Variants in TENM2 observed in about 807,000 individuals in gnomAD.
The protein encoded by TENM2 is teneurin transmembrane protein 2.
TENM2 carries 52 observed loss-of-function variants against 245.2 expected under a neutral mutation model. The ratio of observed to expected loss-of-function variants is 0.21; its 90% confidence interval spans 0.17 to 0.27. The LOEUF is 0.27. Among genes scored for constraint, TENM2 ranks in the 10% least tolerant of loss-of-function variants. The pLI is 1.00. For missense variants in TENM2, 3,046 were observed against 3,666.8 expected (o/e 0.83, Z 4.37); for synonymous variants, 1,363 against 1,438.9 (o/e 0.95, Z 1.19).
At chr5:167,856,804 G>T (rs148948610) in intron 2 of TENM2, among the ~76,000 whole-genome samples, 87 of 152,334 alleles carry the variant, frequency 5.7e-4, no homozygotes, top group Non-Finnish European at 1.1e-3. Flanking sequence ...ATTGTCTACA[G>T]CCTTGCTGAC....
intron 7 of TENM2, among the ~76,000 whole-genome samples, chr5:168,073,607 G>C (rs1791213577): frequency 6.6e-6 from 1 of 152,220 alleles, no homozygotes; most frequent in South Asian, 2.1e-4. Context: ...TTGAGTTGTT[G>C]CATATTTGCA....
At chr5:167,232,675 C>G in the TENM2 span, among the ~76,000 whole-genome samples, 6 of 152,194 alleles carry the variant, frequency 3.9e-5, no homozygotes, top group Non-Finnish European at 8.8e-5. Context: ...CCAGCCTAAA[C>G]CTCTTTTCTT....
At chr5:167,828,717 G>A (rs1768201116) in intron 2 of TENM2, among the ~76,000 whole-genome samples, 1 of 152,106 alleles carries the variant, frequency 6.6e-6, no homozygotes, top group African/African-American at 2.4e-5. Flanking sequence ...ATTAGGAAGG[G>A]TAATCCTCTT....
chr5:166,984,359 C>A, the TENM2 span, among the ~76,000 whole-genome samples: 109,692 of 151,834 alleles, frequency 0.72, 39,703 homozygotes, highest in East Asian at 0.8. Flanking sequence ...GGGACACATC[C>A]TGGAGGATTC....
At chr5:168,096,796 T>C (rs1192182677) in intron 8 of TENM2, among the ~76,000 whole-genome samples, 1 of 152,240 alleles carries the variant, frequency 6.6e-6, no homozygotes, top group African/African-American at 2.4e-5. Flanking sequence ...GCTTATACTT[T>C]CCTTTTCATC....
intron 2 of TENM2, among the ~76,000 whole-genome samples, chr5:167,748,206 G>C (rs1761719082): frequency 6.6e-6 from 1 of 152,032 alleles, no homozygotes; most frequent in South Asian, 2.1e-4. Flanking sequence ...GGTAAGAAGA[G>C]CATATACAAT....
intron 19 of TENM2, among the ~76,000 whole-genome samples, chr5:168,210,110 C>A (rs141580670): frequency 6.6e-6 from 1 of 152,314 alleles, no homozygotes; most frequent in Non-Finnish European, 1.5e-5. Context: ...AGTAGGACAT[C>A]TGTACCCAGC....
chr5:167,031,174 T>C, the TENM2 span, among the ~76,000 whole-genome samples: 5 of 152,210 alleles, frequency 3.3e-5, no homozygotes, highest in Non-Finnish European at 7.3e-5. Flanking sequence ...TCTAAAAGGC[T>C]CATTCTACAA....
At chr5:167,482,073 A>C (rs1767789831) in intron 2 of TENM2, among the ~76,000 whole-genome samples, 1 of 152,204 alleles carries the variant, frequency 6.6e-6, no homozygotes, top group South Asian at 2.1e-4. Flanking sequence ...ATCTTTCAAA[A>C]ATGTAATTTT....
At chr5:167,193,653 G>A in the TENM2 span, among the ~76,000 whole-genome samples, 1 of 151,922 alleles carries the variant, frequency 6.6e-6, no homozygotes, top group African/African-American at 2.4e-5. Context: ...ACTATCACTT[G>A]AGCCTATTAC....
intron 13 of TENM2, among the ~76,000 whole-genome samples, chr5:168,176,701 G>T (rs1460430572): frequency 6.6e-6 from 1 of 152,092 alleles, no homozygotes; most frequent in Non-Finnish European, 1.5e-5. Context: ...CAGGGTCCTT[G>T]TCTGCCTTGG....
At chr5:167,396,568 G>A (rs1426123732) in intron 2 of TENM2, among the ~76,000 whole-genome samples, 1 of 152,164 alleles carries the variant, frequency 6.6e-6, no homozygotes, top group Non-Finnish European at 1.5e-5. Context: ...AGCTGAGGAT[G>A]TCTACAGAGC....
At position 168,032,652 on chromosome 5, in the gene TENM2, G is replaced by A. The variant is rs77700750; in HGVS notation, c.1187-14775G>A. Among the ~76,000 whole-genome samples the A allele has an allele frequency of 1.1e-3, 175 of 152,306 alleles. 1 individual carries two copies. Among genetic ancestry groups the A allele is most frequent in the African/African-American group, 4.0e-3 (166 of 41,576 alleles). ...GCAAAGAAAAACCCTCAAGGCAGAG[G>A]CAGTGGGGAGTTAGGTCTTATGGTT... On this transcript the variant is annotated intron_variant, in intron 5 of 28. Transcript: ENST00000518659.
chr5:167,792,339 C>T (rs1765033815), intron 2 of TENM2, among the ~76,000 whole-genome samples: 2 of 152,030 alleles, frequency 1.3e-5, no homozygotes, highest in Admixed American at 1.3e-4. Flanking sequence ...TCATTCTGTG[C>T]AGCCTGGGAC....
At chr5:167,192,748 C>T in the TENM2 span, among the ~76,000 whole-genome samples, 177 of 152,116 alleles carry the variant, frequency 1.2e-3, no homozygotes, top group African/African-American at 3.4e-3. Flanking sequence ...GGAAATCTCA[C>T]GGTACTAACC....
At chr5:167,026,094 A>G in the TENM2 span, among the ~76,000 whole-genome samples, 1 of 152,166 alleles carries the variant, frequency 6.6e-6, no homozygotes, top group African/African-American at 2.4e-5. Flanking sequence ...ATATTTTAAG[A>G]TACTTTACTT....
intron 2 of TENM2, among the ~76,000 whole-genome samples, chr5:167,585,250 A>G (rs920688620): frequency 6.6e-6 from 1 of 152,206 alleles, no homozygotes; most frequent in African/African-American, 2.4e-5. Context: ...TACACTCTTT[A>G]GATGTTTTCT....
At chr5:166,984,886 T>C in the TENM2 span, among the ~76,000 whole-genome samples, 3 of 152,100 alleles carry the variant, frequency 2.0e-5, no homozygotes, top group Non-Finnish European at 4.4e-5. Context: ...AGAAGAAACA[T>C]AAGCAAATTA....
chr5:167,455,455 G>GT (rs10666572), intron 2 of TENM2, among the ~76,000 whole-genome samples: 33,060 of 141,708 alleles, frequency 0.23, 4,331 homozygotes, highest in East Asian at 0.3. Flanking sequence ...TGTATGTGTA[G>GT]TTTTTTTTTT....
Sources: gnomAD v4.1 joint callset for allele counts (sites outside exome capture counted in the v4.1 genomes callset) on GRCh38, gnomAD v4.1.1 for gene constraint, MANE v1.5 for transcripts, NCBI Gene and HGNC (gene_info 2026-07-23, HGNC 2026-07-21) for gene names.